The following WDR97 variants were observed in gnomAD, a reference collection of about 807,000 sequenced individuals.
The protein encoded by WDR97 is WD repeat-containing protein 97.
WDR97 carries 111 observed loss-of-function variants against 65.4 expected under a neutral mutation model. That is an observed-to-expected ratio of 1.70 (90% confidence interval 1.45 to 1.99). The LOEUF (loss-of-function observed/expected upper bound fraction) is 1.99. Among genes scored for constraint, WDR97 ranks in the 30% most tolerant of loss-of-function variants. The pLI is 0.00. For missense variants in WDR97, 1,674 were observed against 865.0 expected (o/e 1.94, Z -11.73); for synonymous variants, 802 against 397.7 (o/e 2.02, Z -12.10).
At position 144,117,331 on chromosome 8, in the gene WDR97, G is replaced by T. The variant is rs1210250662; in HGVS notation, c.*1038G>T. 6.6e-6 allele frequency: 1 copy of T among 152,234 alleles called. No homozygotes were observed. Among genetic ancestry groups the T allele is most frequent in the Non-Finnish European group, 1.5e-5 (1 of 68,054 alleles). The allele number at this position is 152,234 out of a possible 1,614,324, so 9.4% of individuals were successfully genotyped here. A position where few individuals can be genotyped will look rare whatever the true frequency, so the allele number is the denominator to read the frequency against. Reference sequence around the variant, plus strand: ...TTCACAGGTGTGCGATGAGACTGAGGACTGAGTCTGTCACTAGAGGACTTG... The same window carrying T: ...TTCACAGGTGTGCGATGAGACTGAGTACTGAGTCTGTCACTAGAGGACTTG... On this transcript the variant is annotated 3_prime_UTR_variant, in exon 24 of 24. Coordinates refer to ENST00000323662, the MANE Select transcript of WDR97 (RefSeq NM_001316309.2).
intron 11 of WDR97, 40 bp downstream of exon 11, chr8:144,111,526 G>A (rs750352369): frequency 2.9e-6 from 2 of 698,858 alleles, no homozygotes; most frequent in Non-Finnish European, 5.2e-6. Context: ...CCCCGGCTCA[G>A]GCCCCAGCCG....
chr8:144,107,991 C>T, intron 1 of WDR97, 68 bp from the exon 2 acceptor site: 1 of 701,482 alleles, frequency 1.4e-6, no homozygotes, highest in Non-Finnish European at 2.6e-6. Flanking sequence ...TGGAGGAGGG[C>T]TCCCCATAAC....
intron 15 of WDR97, chr8:144,112,947 C>T: frequency 3.3e-6 from 1 of 301,682 alleles, no homozygotes; most frequent in Non-Finnish European, 6.2e-6. Context: ...TCTTCCCACC[C>T]TCACGTACAC....
rs1280665607 is a variant in WDR97 at position 144,114,458 on chromosome 8, C to G, written c.3775C>G (p.Gln1259Glu). The change falls in exon 19 of 24, where the codon CAG becomes GAG. Residue 1259 changes from glutamine (Q) to glutamate (E), a missense_variant. Physicochemically the swap from Gln to Glu is conservative, Grantham distance 29. Transcript: ENST00000323662. Reference protein sequence around the residue: ...GLLVHLLNLDQPPSLQDQTQK... With the variant: ...GLLVHLLNLDEPPSLQDQTQK... ...GCTCGTACACTTGCTCAACCTGGACCAGCCCCCCAGCCTCCAGGTGTGCCC... is the reference window on the plus strand; with the variant it reads ...GCTCGTACACTTGCTCAACCTGGACGAGCCCCCCAGCCTCCAGGTGTGCCC... 2 of 702,644 alleles carry G rather than the reference C, an allele frequency of 2.8e-6. No individual in the cohort carries two copies. The highest frequency in any genetic ancestry group is 5.2e-6 in the Non-Finnish European group (2 of 384,838). The allele number at this position is 702,644 out of a possible 1,614,324, so 43.5% of individuals were successfully genotyped here.
intron 10 of WDR97, 30 bp from the exon 11 acceptor site, chr8:144,111,396 C>T (rs1021611261): frequency 2.8e-6 from 2 of 702,728 alleles, no homozygotes; most frequent in African/African-American, 1.7e-5. Context: ...TGCCACCCAG[C>T]ATCCCACCTG....
Position 144,114,436 on chromosome 8 carries a change from C to G in WDR97, c.3753C>G (p.Leu1251=), listed in dbSNP as rs367874342. Reference sequence around the variant, plus strand: ...TCCAAGGCCAGCTGCAGGGCCTGCTCGTACACTTGCTCAACCTGGACCAGC... The same window carrying G: ...TCCAAGGCCAGCTGCAGGGCCTGCTGGTACACTTGCTCAACCTGGACCAGC... The part of the protein sequence containing the change: ...SDLQGQLQGL[L]VHLLNLDQPP... Residue 1251 remains leucine (L), a synonymous_variant, in exon 19 of 24, where the codon CTC becomes CTG. Transcript: ENST00000323662. 1.4e-6 allele frequency: 1 copy of G among 702,706 alleles called. No homozygotes were observed. Among genetic ancestry groups the G allele is most frequent in the African/African-American group, 1.7e-5 (1 of 57,222 alleles). 43.5% of individuals were successfully genotyped at this position (702,706 alleles called of 1,614,324 possible).
At position 144,116,887 on chromosome 8, in the gene WDR97, C is replaced by T. The variant is rs886394469; in HGVS notation, c.*594C>T. On this transcript the variant is annotated 3_prime_UTR_variant, in exon 24 of 24. Transcript: ENST00000323662. ...AGGGGAGGGGCTTGGTCCGGAAGGG[C>T]TCGGCCTCTGGGCCGGGCCCCTCTG... 2 of 152,360 alleles carry T rather than the reference C, an allele frequency of 1.3e-5. No individual in the cohort carries two copies. The highest frequency in any genetic ancestry group is 4.8e-5 in the African/African-American group (2 of 41,474). The allele number at this position is 152,360 out of a possible 1,614,324, so 9.4% of individuals were successfully genotyped here.
At chr8:144,112,552 T>C (rs1218836165) in intron 15 of WDR97, 22 bp downstream of exon 15, 2 of 702,590 alleles carry the variant, frequency 2.8e-6, no homozygotes, top group Non-Finnish European at 5.2e-6. Flanking sequence ...TCCCAGCTCC[T>C]GGAGAGCCAC....
chr8:144,111,559 A>T (rs1836549408), intron 11 of WDR97, 73 bp downstream of exon 11: 1 of 687,540 alleles, frequency 1.5e-6, no homozygotes, highest in African/African-American at 1.8e-5. Context: ...CAGGCCTGGG[A>T]TCCCCATGGT....
intron 5 of WDR97, 37 bp from the exon 6 acceptor site, chr8:144,110,077 G>T: frequency 1.4e-6 from 1 of 698,310 alleles, no homozygotes; most frequent in Non-Finnish European, 2.6e-6. Context: ...CGGAAGGAGC[G>T]GCAGGGTCCG....
chr8:144,112,883 C>T (rs1481101823), intron 15 of WDR97: 2 of 375,880 alleles, frequency 5.3e-6, no homozygotes, highest in African/African-American at 4.1e-5. Flanking sequence ...AGATCAGAAT[C>T]CCTGCCCTTT....
chr8:144,107,989 G>A (rs924384944), intron 1 of WDR97, 70 bp from the exon 2 acceptor site: 4 of 701,488 alleles, frequency 5.7e-6, no homozygotes, highest in African/African-American at 5.2e-5. Flanking sequence ...CCTGGAGGAG[G>A]GCTCCCCATA....
chr8:144,115,666 TGGA>T lies in WDR97; in HGVS notation c.4408_4410del (p.Glu1470del). Reference sequence around the variant, plus strand: ...CAGCTGCCCGGAGAGCCGCCGCCGCTGGAGGAGACCGACTGGTCGCACTCGCAG... The same window carrying T: ...CAGCTGCCCGGAGAGCCGCCGCCGCTGGAGACCGACTGGTCGCACTCGCAG... On this transcript the variant is annotated inframe_deletion, in exon 22 of 24. Transcript: ENST00000323662. The T allele has an allele frequency of 1.4e-6, 1 of 697,558 alleles. No individual in the cohort carries two copies. Among genetic ancestry groups the T allele is most frequent in the East Asian group, 2.7e-5 (1 of 37,172 alleles). 43.2% of individuals were successfully genotyped at this position (697,558 alleles called of 1,614,324 possible). A position where few individuals can be genotyped will look rare whatever the true frequency, so the allele number is the denominator to read the frequency against.
chr8:144,112,269 G>C lies in WDR97; in HGVS notation c.2941G>C (p.Asp981His), dbSNP rs759326445. The C allele has an allele frequency of 5.1e-5, 36 of 702,654 alleles. 1 individual carries two copies. The South Asian group carries it at 5.2e-4, about 10-fold the overall frequency. The allele number at this position is 702,654 out of a possible 1,614,324, so 43.5% of individuals were successfully genotyped here. ...GAGCCACTACCTGGGCATCAGTCTG[G>C]ATCTGCAGCTGCAGTTGGAGCAGCT... The part of the protein sequence containing the change: ...SLSHYLGISL[D>H]LQLQLEQLRG... Residue 981 changes from aspartate (D) to histidine (H), a missense_variant, in exon 14 of 24, where the codon GAT becomes CAT. Asp to His is a moderately conservative substitution (Grantham distance 81, BLOSUM62 -1). Transcript: ENST00000323662.
chr8:144,109,475 C>T lies in WDR97; in HGVS notation c.1141C>T (p.Leu381=). Residue 381 remains leucine, a synonymous_variant, in exon 5 of 24, where the codon CTG becomes TTG. Transcript: ENST00000323662. ...GCTGGGCTTCTGGGGCCAGGACAAG[C>T]TGTCCCGGCGCGTGGGCCGTCTGCT... ...VALGFWGQDK[L]SRRVGRLLAP... The T allele has an allele frequency of 2.9e-6, 2 of 699,288 alleles. No individual in the cohort carries two copies. The highest frequency in any genetic ancestry group is 5.2e-6 in the Non-Finnish European group (2 of 383,288). 43.3% of individuals were successfully genotyped at this position (699,288 alleles called of 1,614,324 possible).
chr8:144,115,190 T>G (rs1187021649), intron 21 of WDR97, 151 bp from the exon 22 acceptor site: 2 of 564,072 alleles, frequency 3.5e-6, no homozygotes, highest in East Asian at 5.9e-5. Flanking sequence ...GAAGGGAGTT[T>G]CAGTGGCCAT....
rs754037947 is a variant in WDR97 at position 144,111,426 on chromosome 8, C to T, written c.2427C>T (p.Ser809=). The stretch of plus-strand genomic sequence containing the variant: ...CACCTGTGCCTGTCCCTGTTTGCAG[C>T]GAGGCCTTGTCTCTCATCCATCGTC... ...LTNLHGAASL[S]EALSLIHRRR... is the part of the protein sequence containing the mutation. Residue 809 remains serine (S), a splice_region_variant and synonymous_variant, in exon 11 of 24, where the codon AGC becomes AGT. Transcript: ENST00000323662. 1.6e-5 allele frequency: 11 copies of T among 702,820 alleles called. No individual in the cohort carries two copies. Among genetic ancestry groups the T allele is most frequent in the South Asian group, 1.2e-4 (8 of 67,606 alleles). The allele number at this position is 702,820 out of a possible 1,614,324, so 43.5% of individuals were successfully genotyped here. A position where few individuals can be genotyped will look rare whatever the true frequency, so the allele number is the denominator to read the frequency against.
chr8:144,112,178 G>T, intron 13 of WDR97, 34 bp downstream of exon 13: 1 of 701,282 alleles, frequency 1.4e-6, no homozygotes, highest in Non-Finnish European at 2.6e-6. Flanking sequence ...TGCCTGCTGG[G>T]CCCCCATGAC....
chr8:144,113,862 C>T lies in WDR97; in HGVS notation c.3389C>T (p.Ser1130Phe). The T allele has an allele frequency of 1.4e-6, 1 of 695,706 alleles. No homozygotes were observed. 43.1% of individuals were successfully genotyped at this position (695,706 alleles called of 1,614,324 possible). The change falls in exon 17 of 24, where the codon TCC becomes TTC. Residue 1130 changes from serine (S) to phenylalanine (F), a missense_variant. Physicochemically the swap from Ser to Phe is radical, Grantham distance 155. Coordinates refer to ENST00000323662, the MANE Select transcript of WDR97 (RefSeq NM_001316309.2). ...LSPHSNQQLD[S>F]WELEDQSAVD... Reference sequence around the variant, plus strand: ...CCGCACTCCAACCAGCAGCTGGATTCCTGGGAACTGGAGGATCAGGTAGAG... The same window carrying T: ...CCGCACTCCAACCAGCAGCTGGATTTCTGGGAACTGGAGGATCAGGTAGAG...
Sources: gnomAD v4.1 joint callset for allele counts on GRCh38, gnomAD v4.1.1 for gene constraint, MANE v1.5 for transcripts, NCBI Gene and HGNC (gene_info 2026-07-23, HGNC 2026-07-21) for gene names.